Variants in IFT52 observed in about 807,000 individuals in gnomAD.
IFT52 encodes intraflagellar transport 52.
IFT52 carries 44 observed loss-of-function variants against 54.4 expected under a neutral mutation model. The ratio of observed to expected loss-of-function variants is 0.81; its 90% confidence interval spans 0.63 to 1.04. The LOEUF is 1.04. IFT52 is among the 50% of genes least tolerant of loss of function. The probability of loss-of-function intolerance (pLI) is 0.00; values close to 1 mark genes in which losing one functional copy is unlikely to be tolerated. For synonymous variants in IFT52, 181 were observed against 185.3 expected (o/e 0.98, Z 0.19); for missense variants, 452 against 523.6 (o/e 0.86, Z 1.33).
intron 13 of IFT52, 109 bp downstream of exon 13, chr20:43,642,733 T>C (rs760551702): frequency 1.9e-4 from 216 of 1,138,862 alleles, no homozygotes; most frequent in Non-Finnish European, 2.4e-4. Context: ...TAAATATTTA[T>C]TAAGCATCTA....
intron 10 of IFT52, among the ~76,000 whole-genome samples, chr20:43,631,935 T>G (rs1469206633): frequency 6.6e-6 from 1 of 151,730 alleles, no homozygotes; most frequent in Non-Finnish European, 1.5e-5. Flanking sequence ...TTTTTTTTTT[T>G]TTTTTTTAAG....
intron 10 of IFT52, among the ~76,000 whole-genome samples, chr20:43,627,505 A>G (rs993824492): frequency 1.3e-5 from 2 of 152,220 alleles, no homozygotes; most frequent in Non-Finnish European, 2.9e-5. Flanking sequence ...GGTATTTGCT[A>G]CAGAGAGGAA....
At chr20:43,605,438 T>G (rs995640305) in intron 6 of IFT52, among the ~76,000 whole-genome samples, 2 of 152,198 alleles carry the variant, frequency 1.3e-5, no homozygotes, top group Admixed American at 1.3e-4. Context: ...TCCCAGCTAC[T>G]CGGGAGGCTG....
intron 3 of IFT52, among the ~76,000 whole-genome samples, chr20:43,597,371 C>CA (rs763586460): frequency 2.7e-4 from 6 of 22,332 alleles, no homozygotes; most frequent in South Asian, 1.9e-3. Context: ...AACTCCATCT[C>CA]AAAAAAAAAA....
chr20:43,603,692 C>A (rs899040751), intron 3 of IFT52, 68 bp from the exon 4 acceptor site: 1 of 1,414,724 alleles, frequency 7.1e-7, no homozygotes, highest in South Asian at 1.2e-5. Context: ...TAGTTAAGGT[C>A]TTATTCATGG....
intron 1 of IFT52, among the ~76,000 whole-genome samples, chr20:43,592,012 G>A (rs1364921970): frequency 6.6e-6 from 1 of 152,174 alleles, no homozygotes; most frequent in East Asian, 1.9e-4. Context: ...TTTCAAATCA[G>A]CATTGAAGAG....
intron 9 of IFT52, among the ~76,000 whole-genome samples, chr20:43,622,601 C>CA (rs989288685): frequency 1.4e-5 from 2 of 146,872 alleles, no homozygotes; most frequent in African/African-American, 2.5e-5. Context: ...AGACTCGTCT[C>CA]AAAAAAAATA....
intron 10 of IFT52, among the ~76,000 whole-genome samples, chr20:43,625,953 T>C (rs143686414): frequency 1.3e-5 from 2 of 149,272 alleles, no homozygotes; most frequent in Non-Finnish European, 3.0e-5. Context: ...GGAGGATTGC[T>C]TGGGCCCCAA....
At chr20:43,623,813 A>G (rs966172537) in intron 9 of IFT52, 78 bp from the exon 10 acceptor site, 3 of 1,447,824 alleles carry the variant, frequency 2.1e-6, no homozygotes, top group Admixed American at 4.1e-5. Flanking sequence ...TTGCAGATTT[A>G]GACCTGAGAC....
At chr20:43,606,572 T>G (rs1186694725) in intron 6 of IFT52, among the ~76,000 whole-genome samples, 1 of 152,042 alleles carries the variant, frequency 6.6e-6, no homozygotes, top group Non-Finnish European at 1.5e-5. Flanking sequence ...TATGTACAGT[T>G]TTGTGCACTT....
Position 43,618,947 on chromosome 20 carries a change from G to T in IFT52, c.620G>T (p.Gly207Val), listed in dbSNP as rs750375612. ...CTGCTTTGTCATCAATAGAACCAAG[G>T]TGGGAAGCTGGCAGTGCTTGGTTCA... ...ILAFYHSKNQ[G>V]GKLAVLGSCH... Residue 207 changes from glycine (G) to valine (V), a missense_variant, in exon 8 of 14, where the codon GGT (glycine) becomes GTT (valine). Gly to Val is a moderately radical substitution (Grantham distance 109). Transcript: ENST00000373030. 2 of 1,613,220 alleles carry T rather than the reference G, an allele frequency of 1.2e-6. No individual in the cohort carries two copies. The highest frequency in any genetic ancestry group is 1.1e-5 in the South Asian group (1 of 91,038).
intron 12 of IFT52, among the ~76,000 whole-genome samples, chr20:43,641,560 C>G (rs1006499729): frequency 6.6e-6 from 1 of 151,360 alleles, no homozygotes; most frequent in African/African-American, 2.4e-5. Context: ...ATGGCGTGAT[C>G]TCAGCTCACT....
At chr20:43,607,500 G>T (rs551903060) in intron 6 of IFT52, among the ~76,000 whole-genome samples, 3 of 151,650 alleles carry the variant, frequency 2.0e-5, no homozygotes, top group South Asian at 2.1e-4. Flanking sequence ...CGGGGTCGTG[G>T]CCGGGCAGAG....
intron 6 of IFT52, among the ~76,000 whole-genome samples, chr20:43,610,668 G>A (rs1392915845): frequency 6.6e-6 from 1 of 152,048 alleles, no homozygotes; most frequent in Non-Finnish European, 1.5e-5. Flanking sequence ...GAACCCGGGA[G>A]GCGGAGCTTG....
chr20:43,626,056 G>C (rs1984693801), intron 10 of IFT52, among the ~76,000 whole-genome samples: 1 of 148,380 alleles, frequency 6.7e-6, no homozygotes, highest in Admixed American at 6.8e-5. Flanking sequence ...TGCAATAACT[G>C]AGTTGAGAAA....
intron 12 of IFT52, 184 bp from the exon 13 acceptor site, chr20:43,642,295 C>G (rs1464844058): frequency 1.8e-6 from 1 of 551,494 alleles, no homozygotes; most frequent in African/African-American, 1.9e-5. Flanking sequence ...ATTATAAAAG[C>G]AGCACATTAG....
intron 6 of IFT52, among the ~76,000 whole-genome samples, chr20:43,608,516 G>A (rs944735077): frequency 2.0e-4 from 31 of 151,882 alleles, no homozygotes; most frequent in African/African-American, 7.2e-4. Flanking sequence ...TTGTCTTTTC[G>A]CATTCATTTA....
intron 3 of IFT52, among the ~76,000 whole-genome samples, chr20:43,603,192 G>T (rs6030979): frequency 0.083 from 12,625 of 152,104 alleles, 1,505 homozygotes; most frequent in African/African-American, 0.26. Flanking sequence ...AAATGAGAGA[G>T]CTTCCAGGAG....
intron 1 of IFT52, among the ~76,000 whole-genome samples, chr20:43,593,709 A>G (rs1981709804): frequency 1.3e-5 from 2 of 152,092 alleles, no homozygotes; most frequent in African/African-American, 4.8e-5. Flanking sequence ...AGCTGGGACT[A>G]CAGATATGTG....
Sources: allele counts gnomAD v4.1 joint callset (sites outside exome capture counted in the v4.1 genomes callset), GRCh38; gene constraint gnomAD v4.1.1; transcripts MANE v1.5; gene names NCBI Gene and HGNC (gene_info 2026-07-23, HGNC 2026-07-21).